CDH13: variants seen among roughly 807,000 people sequenced by gnomAD.
CDH13 encodes the protein cadherin-13.
CDH13 carries 24 observed loss-of-function variants against 63.8 expected under a neutral mutation model. The ratio of observed to expected loss-of-function variants is 0.38; its 90% CI spans 0.27 to 0.53. The LOEUF (loss-of-function observed/expected upper bound fraction) is 0.53, where lower values mean the gene tolerates loss of function less well. Among genes scored for constraint, CDH13 ranks in the 20% least tolerant of loss-of-function variants. The probability of loss-of-function intolerance (pLI) is 0.85; values close to 1 mark genes in which losing one functional copy is unlikely to be tolerated. For synonymous variants in CDH13, 503 were observed against 355.3 expected (o/e 1.42, Z -4.67); for missense variants, 1,049 against 903.1 (o/e 1.16, Z -2.07).
chr16:82,669,687 C>T (rs1597272583), intron 1 of CDH13, among the ~76,000 whole-genome samples: 1 of 152,314 alleles, frequency 6.6e-6, no homozygotes, highest in African/African-American at 2.4e-5. Context: ...AGTTGGCAAA[C>T]CTTTTCCATA....
At chr16:83,636,592 C>G (rs567915821) in intron 8 of CDH13, among the ~76,000 whole-genome samples, 1 of 152,186 alleles carries the variant, frequency 6.6e-6, no homozygotes, top group African/African-American at 2.4e-5. Context: ...ATTCATGGTG[C>G]TGCAAAGGAC....
At chr16:83,380,071 A>G (rs1434325113) in intron 6 of CDH13, among the ~76,000 whole-genome samples, 3 of 151,998 alleles carry the variant, frequency 2.0e-5, no homozygotes, top group Admixed American at 2.0e-4. Flanking sequence ...ATTCTCAGAA[A>G]CAAATATATG....
At chr16:83,044,005 A>G (rs1917561128) in intron 3 of CDH13, among the ~76,000 whole-genome samples, 1 of 152,198 alleles carries the variant, frequency 6.6e-6, no homozygotes, top group Admixed American at 6.5e-5. Flanking sequence ...TAAGGATTAG[A>G]TAGGATGCTC....
intron 1 of CDH13, among the ~76,000 whole-genome samples, chr16:82,698,676 A>G (rs760581391): frequency 6.6e-6 from 1 of 152,210 alleles, no homozygotes; most frequent in East Asian, 1.9e-4. Flanking sequence ...CAAACATCCC[A>G]TGGCTGAGCC....
intron 6 of CDH13, among the ~76,000 whole-genome samples, chr16:83,451,887 G>A (rs1338704440): frequency 6.6e-6 from 1 of 152,054 alleles, no homozygotes; most frequent in East Asian, 1.9e-4. Context: ...CTTTATATTC[G>A]AGGTTAATTT....
intron 4 of CDH13, among the ~76,000 whole-genome samples, chr16:83,134,284 C>T (rs2036179124): frequency 6.6e-6 from 1 of 152,076 alleles, no homozygotes; most frequent in African/African-American, 2.4e-5. Flanking sequence ...CCTCTGCCTC[C>T]CAGGTTCAAG....
At chr16:83,503,446 G>A (rs933035293) in intron 7 of CDH13, among the ~76,000 whole-genome samples, 1 of 152,168 alleles carries the variant, frequency 6.6e-6, no homozygotes, top group Non-Finnish European at 1.5e-5. Flanking sequence ...TGCCCAGGAG[G>A]AGGGGCAGTG....
At position 83,473,418 on chromosome 16, in the gene CDH13, C is replaced by T. The variant is rs548407184; in HGVS notation, c.782-13059C>T. Among the ~76,000 whole-genome samples, 4 of 152,324 alleles carry T rather than the reference C, an allele frequency of 2.6e-5. No homozygotes were observed. The South Asian group carries it at 8.3e-4, about 32-fold the overall frequency. ...GGAGTCTGAATTGTGTGGTATTTCA[C>T]TATCCTGGCTCATTTGTATCTTGTA... On this transcript the variant is annotated intron_variant, in intron 6 of 13. Coordinates refer to ENST00000567109, the MANE Select transcript of CDH13 (RefSeq NM_001257.5).
chr16:83,738,643 C>T (rs909914980), intron 10 of CDH13, among the ~76,000 whole-genome samples: 4 of 152,134 alleles, frequency 2.6e-5, no homozygotes, highest in Non-Finnish European at 4.4e-5. Flanking sequence ...TGTGGTGGCT[C>T]AAGCCTGTAA....
chr16:82,945,668 C>T (rs16958912), intron 2 of CDH13, among the ~76,000 whole-genome samples: 2 of 152,040 alleles, frequency 1.3e-5, no homozygotes, highest in Non-Finnish European at 2.9e-5. Flanking sequence ...TAAACTCCCT[C>T]TTCTATACTA....
intron 2 of CDH13, among the ~76,000 whole-genome samples, chr16:82,951,177 T>A (rs1905252143): frequency 6.6e-6 from 1 of 152,128 alleles, no homozygotes; most frequent in Non-Finnish European, 1.5e-5. Flanking sequence ...GTGAGGATTT[T>A]GTCCTCTACA....
chr16:82,801,971 A>G lies in CDH13; in HGVS notation c.46-56391A>G, dbSNP rs371210794. Reference sequence around the variant, plus strand: ...TGCGGATGTGAATAAGTGGAAGGCAATACAGTGTGTGTGAATGGTAATGTC... The same window carrying G: ...TGCGGATGTGAATAAGTGGAAGGCAGTACAGTGTGTGTGAATGGTAATGTC... On this transcript the variant is annotated intron_variant, in intron 1 of 13. Transcript: ENST00000567109. Among the ~76,000 whole-genome samples the G allele has an allele frequency of 5.9e-5, 9 of 152,266 alleles. No homozygotes were observed. In the South Asian group the frequency reaches 1.0e-3, roughly 18 times the overall value.
chr16:83,449,710 T>C (rs2151508757), intron 6 of CDH13, among the ~76,000 whole-genome samples: 1 of 152,298 alleles, frequency 6.6e-6, no homozygotes, highest in South Asian at 2.1e-4. Context: ...TGGTTTCAAG[T>C]CCCTGTTCTG....
At chr16:83,649,864 G>T (rs774566032) in intron 8 of CDH13, among the ~76,000 whole-genome samples, 1 of 152,170 alleles carries the variant, frequency 6.6e-6, no homozygotes, top group Non-Finnish European at 1.5e-5. Context: ...TCAAAAGGCG[G>T]GCCCAGGTTG....
chr16:83,211,730 A>G (rs1352632760), intron 4 of CDH13, among the ~76,000 whole-genome samples: 2 of 151,348 alleles, frequency 1.3e-5, no homozygotes, highest in Admixed American at 1.3e-4. Context: ...TGCAGAAGAC[A>G]CTGGTCCCAG....
Position 83,762,962 on chromosome 16 carries a change from C to T in CDH13, c.1681+14712C>T, listed in dbSNP as rs542997215. On this transcript the variant is annotated intron_variant, in intron 11 of 13. Coordinates refer to ENST00000567109, the MANE Select transcript of CDH13 (RefSeq NM_001257.5). Reference sequence around the variant, plus strand: ...AAACAAAAGGTGTCCCTGTTAGTTCCCCCTAAGGCTCAGGGCATATGAAAT... The same window carrying T: ...AAACAAAAGGTGTCCCTGTTAGTTCTCCCTAAGGCTCAGGGCATATGAAAT... Among the ~76,000 whole-genome samples the T allele has an allele frequency of 3.2e-4, 48 of 152,294 alleles. 1 individual carries two copies. The South Asian group carries it at 6.8e-3, about 22-fold the overall frequency.
chr16:83,503,230 T>A (rs1336855801), intron 7 of CDH13, among the ~76,000 whole-genome samples: 1 of 152,164 alleles, frequency 6.6e-6, no homozygotes, highest in Non-Finnish European at 1.5e-5. Context: ...TACCCTTTTT[T>A]CCCCTCCCAA....
chr16:83,032,042 C>T lies in CDH13; in HGVS notation c.190C>T (p.Leu64=), dbSNP rs772176185. Residue 64 remains leucine, a synonymous_variant, in exon 3 of 14, where the codon CTA becomes TTA. Coordinates refer to ENST00000567109, the MANE Select transcript of CDH13 (RefSeq NM_001257.5). ...CAGTGACTGTAAGGGAAACGACAAG[C>T]TACGCTATGAGGTCTCGAGCCCATA... ...TFSDCKGNDK[L]RYEVSSPYFK... 74 of 1,604,300 alleles carry T rather than the reference C, an allele frequency of 4.6e-5. No individual in the cohort carries two copies. In the Middle Eastern group the frequency reaches 2.8e-3, roughly 61 times the overall value.
chr16:83,305,959 G>T (rs1231177711), intron 5 of CDH13, among the ~76,000 whole-genome samples: 1 of 152,156 alleles, frequency 6.6e-6, no homozygotes, highest in Non-Finnish European at 1.5e-5. Flanking sequence ...TTCTAATCTA[G>T]AACAGGGTTT....
Sources: allele counts gnomAD v4.1 joint callset (sites outside exome capture counted in the v4.1 genomes callset), GRCh38; gene constraint gnomAD v4.1.1; transcripts MANE v1.5; gene names NCBI Gene and HGNC (gene_info 2026-07-23, HGNC 2026-07-21).